Variants in NDUFS7 observed in about 807,000 individuals in gnomAD.
NDUFS7 encodes NADH dehydrogenase [ubiquinone] iron-sulfur protein 7, mitochondrial.
A neutral mutation model predicts 31.1 loss-of-function variants in NDUFS7; 11 were observed. The observed-to-expected ratio is 0.35, with a 90% CI of 0.22 to 0.59. The LOEUF is 0.59. Among genes scored for constraint, NDUFS7 ranks in the 20% least tolerant of loss-of-function variants. NDUFS7 has a pLI of 0.79. For missense variants in NDUFS7, 263 were observed against 324.2 expected (o/e 0.81, Z 1.45); for synonymous variants, 136 against 127.9 (o/e 1.06, Z -0.43).
chr19:1,387,800 CCT>C lies in NDUFS7; in HGVS notation c.17-6_17-5del, dbSNP rs1555775189. 32 of 1,611,372 alleles carry C rather than the reference CCT, an allele frequency of 2.0e-5. No homozygotes were observed. Among genetic ancestry groups the C allele is most frequent in the Non-Finnish European group, 2.7e-5 (32 of 1,179,850 alleles). ...CAGCTCACTGTTCCCACCCCGTGGT[CCT>C]CTCTGCAGCTCCTGGCCTGCGCGGC... On this transcript the variant is annotated splice_polypyrimidine_tract_variant and intron_variant, in intron 1 of 7. Coordinates refer to ENST00000233627, the MANE Select transcript of NDUFS7 (RefSeq NM_024407.5).
chr19:1,394,476 GTCTGGGGACTGCGCTC>G (rs2082579386), intron 7 of NDUFS7: 2 of 1,225,240 alleles, frequency 1.6e-6, no homozygotes, highest in African/African-American at 4.1e-5. Context: ...TGTGCTCCCT[GTCTGGGGACTGCGCTC>G]CTCCCTCCTT....
chr19:1,389,230 C>G lies in NDUFS7; in HGVS notation c.228+292C>G, dbSNP rs111211841. On this transcript the variant is annotated intron_variant, in intron 4 of 7. Transcript: ENST00000233627. ...GCTTGCACACATACACACATGCACACTTGCACTCATGCACACTCATGCGCA... is the reference window on the plus strand; with the variant it reads ...GCTTGCACACATACACACATGCACAGTTGCACTCATGCACACTCATGCGCA... 57 of 671,350 alleles carry G rather than the reference C, an allele frequency of 8.5e-5. 5 individuals carry two copies. The highest frequency in any genetic ancestry group is 5.8e-4 in the African/African-American group (33 of 56,648). The allele number at this position is 671,350 out of a possible 1,614,324, so 41.6% of individuals were successfully genotyped here. A position where few individuals can be genotyped will look rare whatever the true frequency, so the allele number is the denominator to read the frequency against.
In NDUFS7 at chr19:1,389,306, G is replaced by C. The variant is rs1298424371; in HGVS notation, c.228+368G>C. 9.5e-6 allele frequency: 5 copies of C among 528,436 alleles called. No individual in the cohort carries two copies. In the East Asian group the frequency reaches 1.8e-4, roughly 19 times the overall value. 32.7% of individuals were successfully genotyped at this position (528,436 alleles called of 1,614,324 possible). Reference sequence around the variant, plus strand: ...GCACACACGTGCACATATATGCACAGTCATGCACACACATGCACACTCACA... The same window carrying C: ...GCACACACGTGCACATATATGCACACTCATGCACACACATGCACACTCACA... On this transcript the variant is annotated intron_variant, in intron 4 of 7. Transcript: ENST00000233627.
chr19:1,389,267 G>C (rs746751115), intron 4 of NDUFS7: 2 of 617,100 alleles, frequency 3.2e-6, no homozygotes, highest in African/African-American at 3.6e-5. Flanking sequence ...ATATACACAT[G>C]CACACGCACA....
chr19:1,387,931 G>GGGGGC, intron 2 of NDUFS7, 84 bp downstream of exon 2: 2 of 428,706 alleles, frequency 4.7e-6, no homozygotes, highest in South Asian at 1.7e-5. Context: ...GGGGGGTGGG[G>GGGGGC]GGAGCGCCTT....
rs755272354 is a variant in NDUFS7 at position 1,391,005 on chromosome 19, C to T, written c.363C>T (p.Ile121=). The change falls in exon 5 of 8, where the codon ATC becomes ATT. Residue 121 remains isoleucine (I), a synonymous_variant. Coordinates refer to ENST00000233627, the MANE Select transcript of NDUFS7 (RefSeq NM_024407.5). ...GCCCGCGCCAGTCCGACGTCATGATCGTGGCCGGCACACTCACCAACAAGA... is the reference window on the plus strand; with the variant it reads ...GCCCGCGCCAGTCCGACGTCATGATTGTGGCCGGCACACTCACCAACAAGA... The part of the protein sequence containing the change: ...RASPRQSDVM[I]VAGTLTNKMA... 1.5e-5 allele frequency: 24 copies of T among 1,613,060 alleles called. No homozygotes were observed. Among genetic ancestry groups the T allele is most frequent in the East Asian group, 6.7e-5 (3 of 44,894 alleles).
chr19:1,388,460 G>A (rs965271601), intron 2 of NDUFS7, 65 bp from the exon 3 acceptor site: 4 of 1,439,208 alleles, frequency 2.8e-6, no homozygotes, highest in Non-Finnish European at 3.9e-6. Context: ...GGACAACAGT[G>A]AGTGCGGCTG....
rs551468283 is a variant in NDUFS7 at position 1,393,575 on chromosome 19, G to A, written c.544+245G>A. On this transcript the variant is annotated intron_variant, in intron 7 of 7. Coordinates refer to ENST00000233627, the MANE Select transcript of NDUFS7 (RefSeq NM_024407.5). This position sits in a 1 kb window ranked among gnomAD's most constrained non-coding sequence, Gnocchi z 7.3. ...AAGCTGAGTGGAATTCCTGACACACGCCTGGTTTACAGCAGTTTCATATGG... is the reference window on the plus strand; with the variant it reads ...AAGCTGAGTGGAATTCCTGACACACACCTGGTTTACAGCAGTTTCATATGG... 1.2e-4 allele frequency: 74 copies of A among 640,074 alleles called. No homozygotes were observed. Among genetic ancestry groups the A allele is most frequent in the Admixed American group, 9.5e-4 (42 of 44,032 alleles). The allele number at this position is 640,074 out of a possible 1,614,324, so 39.6% of individuals were successfully genotyped here.
At chr19:1,394,982 C>T (rs539997824) in intron 7 of NDUFS7, 9 of 1,128,318 alleles carry the variant, frequency 8.0e-6, no homozygotes, top group Non-Finnish European at 9.8e-6. Context: ...GCCACCTCCC[C>T]TCCCTCCGCC....
chr19:1,387,650 G>A (rs902149188), intron 1 of NDUFS7, 161 bp from the exon 2 acceptor site: 11 of 687,716 alleles, frequency 1.6e-5, no homozygotes, highest in Non-Finnish European at 2.4e-5. Flanking sequence ...AGACTCTCTC[G>A]TGTTCTGAAA....
chr19:1,388,748 T>G, intron 3 of NDUFS7, 85 bp from the exon 4 acceptor site: 1 of 1,476,666 alleles, frequency 6.8e-7, no homozygotes, highest in Non-Finnish European at 9.3e-7. Flanking sequence ...TCCAGGCCTC[T>G]GGCAGCGGCC....
At chr19:1,390,766 C>T (rs757220971) in intron 4 of NDUFS7, 105 bp from the exon 5 acceptor site, 13 of 1,368,338 alleles carry the variant, frequency 9.5e-6, no homozygotes, top group South Asian at 7.4e-5. Context: ...TGCCGGCTGC[C>T]GCCCCGGGAC....
intron 6 of NDUFS7, 120 bp downstream of exon 6, chr19:1,391,285 C>T (rs755034136): frequency 1.9e-5 from 25 of 1,298,846 alleles, no homozygotes; most frequent in East Asian, 2.5e-5. Flanking sequence ...GTGGTCCCGG[C>T]GCTGCCCTTC....
At chr19:1,395,139 T>G in intron 7 of NDUFS7, 1 of 1,387,680 alleles carries the variant, frequency 7.2e-7, no homozygotes, top group Non-Finnish European at 9.3e-7. Flanking sequence ...GTCCGAGAGG[T>G]CCCTGTGACA....
At chr19:1,387,762 T>A in intron 1 of NDUFS7, 49 bp from the exon 2 acceptor site, 1 of 1,595,196 alleles carries the variant, frequency 6.3e-7, no homozygotes, top group Non-Finnish European at 8.6e-7. Flanking sequence ...AGGCCGGCCC[T>A]GCGTGCTGCC....
At chr19:1,388,701 A>AG (rs1357870625) in intron 3 of NDUFS7, 108 bp downstream of exon 3, 6 of 1,433,910 alleles carry the variant, frequency 4.2e-6, no homozygotes, top group Non-Finnish European at 5.8e-6. Flanking sequence ...TGGGGCAGGG[A>AG]GGGGGTCACA....
At chr19:1,388,203 G>T in intron 2 of NDUFS7, 1 of 587,516 alleles carries the variant, frequency 1.7e-6, no homozygotes, top group Non-Finnish European at 3.0e-6. Context: ...GAGGGCGCAT[G>T]CCCAGGGATC....
rs188556684 is a variant in NDUFS7, at chr19:1,393,597, A to G, written c.544+267A>G. The G allele has an allele frequency of 6.4e-6, 4 of 627,648 alleles. No individual in the cohort carries two copies. The highest frequency in any genetic ancestry group is 5.4e-5 in the African/African-American group (3 of 55,198). 38.9% of individuals were successfully genotyped at this position (627,648 alleles called of 1,614,324 possible). Reference sequence around the variant, plus strand: ...CACGCCTGGTTTACAGCAGTTTCATATGGTCCTACCTGGCACAAACCAAAG... The same window carrying G: ...CACGCCTGGTTTACAGCAGTTTCATGTGGTCCTACCTGGCACAAACCAAAG... On this transcript the variant is annotated intron_variant, in intron 7 of 7. Transcript: ENST00000233627. The surrounding 1 kb of genome is among the most constrained non-coding windows in gnomAD (Gnocchi z 7.3).
Position 1,393,944 on chromosome 19 carries a change from T to C in NDUFS7, c.544+614T>C, listed in dbSNP as rs890282017. 2.5e-5 allele frequency: 6 copies of C among 239,634 alleles called. No individual in the cohort carries two copies. The highest frequency in any genetic ancestry group is 4.2e-5 in the Non-Finnish European group (5 of 120,168). The allele number at this position is 239,634 out of a possible 1,614,324, so 14.8% of individuals were successfully genotyped here. ...TATATCTGGTGATCCCGTGGGACTC[T>C]TGCACCTCACGTGGTCCCACGAGGG... is the stretch of plus-strand genomic sequence containing the variant. On this transcript the variant is annotated intron_variant, in intron 7 of 7. Coordinates refer to ENST00000233627, the MANE Select transcript of NDUFS7 (RefSeq NM_024407.5). The surrounding 1 kb of genome is among the most constrained non-coding windows in gnomAD (Gnocchi z 7.3).
Sources: allele counts gnomAD v4.1 joint callset, GRCh38; gene constraint gnomAD v4.1.1; non-coding constraint Gnocchi (gnomAD v3.1); transcripts MANE v1.5; gene names NCBI Gene and HGNC (gene_info 2026-07-23, HGNC 2026-07-21).